PAM16: variants seen among roughly 807,000 people sequenced by gnomAD.
PAM16 encodes mitochondrial import inner membrane translocase subunit TIM16.
In PAM16, 11 loss-of-function variants were observed where a neutral mutation model predicts 17.9. That is an observed-to-expected ratio of 0.62 (90% confidence interval 0.39 to 1.02). PAM16 has a LOEUF of 1.02. Ranked by LOEUF, PAM16 falls within the 50% of genes least tolerant of loss-of-function variation. The pLI is 0.01. For missense variants in PAM16, 199 were observed against 165.4 expected, an observed-to-expected ratio of 1.20 and a Z score of -1.11; for synonymous variants, 72 against 67.4, an observed-to-expected ratio of 1.07 and a Z score of -0.34.
chr16:4,342,039 CA>C (rs1455851096), intron 2 of PAM16, among the ~76,000 whole-genome samples: 3 of 152,230 alleles, frequency 2.0e-5, no homozygotes, highest in Admixed American at 1.3e-4. Context: ...ACACTGGAAC[CA>C]TTCAACTCTG....
At position 4,340,433 on chromosome 16, in the gene PAM16, G is replaced by A. The variant is rs746293710; in HGVS notation, c.292-28C>T. 11 of 1,605,004 alleles carry A rather than the reference G, an allele frequency of 6.9e-6. No individual in the cohort carries two copies. The South Asian group carries it at 1.2e-4, about 18-fold the overall frequency. ...AGTGGGTCACGGATAATCAGGCCGG[G>A]AGGCCAAGCCTCCGCCCCATACCCC... On this transcript the variant is annotated intron_variant, in intron 4 of 4. Transcript: ENST00000318059.
intron 1 of PAM16, 191 bp from the exon 2 acceptor site, chr16:4,343,482 C>A (rs989665933): frequency 2.5e-5 from 36 of 1,431,000 alleles, no homozygotes; most frequent in Non-Finnish European, 3.0e-5. Flanking sequence ...TAGTTACTCA[C>A]TGGACAGGCA....
At chr16:4,349,145 C>T (rs565142826) in intron 1 of PAM16, among the ~76,000 whole-genome samples, 72 of 151,446 alleles carry the variant, frequency 4.8e-4, no homozygotes, top group Middle Eastern at 3.5e-3. Flanking sequence ...TTAGTAGAGA[C>T]GGGGTTTCAC....
At chr16:4,344,193 G>C (rs1596250647) in intron 1 of PAM16, 1 of 381,410 alleles carries the variant, frequency 2.6e-6, no homozygotes, top group East Asian at 3.7e-5. Flanking sequence ...TGAGAGGAGG[G>C]GGTTCTGTGT....
intron 1 of PAM16, chr16:4,348,125 G>C (rs932871379): frequency 4.6e-5 from 7 of 152,234 alleles, no homozygotes; most frequent in African/African-American, 1.4e-4. Flanking sequence ...ATAGATACGG[G>C]CATCACAACT....
chr16:4,341,037 G>A lies in PAM16; in HGVS notation c.226-52C>T, dbSNP rs775854504. 2.5e-6 allele frequency: 4 copies of A among 1,608,398 alleles called. No homozygotes were observed. The South Asian group carries it at 4.4e-5, about 18-fold the overall frequency. On this transcript the variant is annotated intron_variant, in intron 3 of 4. Transcript: ENST00000318059. ...GGGCTGCAGACTGCAGGCAAGAGAT[G>A]TTGGGCAGGCTATGTGGGGCCACGT...
intron 1 of PAM16, among the ~76,000 whole-genome samples, chr16:4,349,009 CA>C (rs1312147848): frequency 3.6e-5 from 5 of 138,636 alleles, no homozygotes; most frequent in Non-Finnish European, 7.6e-5. Flanking sequence ...GGCCGGAGTG[CA>C]GTAGCGCGAC....
At chr16:4,340,430 C>G in intron 4 of PAM16, 25 bp from the exon 5 acceptor site, 1 of 1,605,414 alleles carries the variant, frequency 6.2e-7, no homozygotes, top group Non-Finnish European at 8.5e-7. Flanking sequence ...ATAATCAGGC[C>G]GGGAGGCCAA....
chr16:4,346,032 A>G, intron 1 of PAM16: 2 of 939,754 alleles, frequency 2.1e-6, no homozygotes, highest in Non-Finnish European at 2.5e-6. Context: ...GAACGGTAAG[A>G]GCTGAGGTCA....
At position 4,343,201 on chromosome 16, in the gene PAM16, G is replaced by A. The variant is rs1325697694; in HGVS notation, c.88+6C>T. On this transcript the variant is annotated splice_donor_region_variant and intron_variant, in intron 2 of 4. Coordinates refer to ENST00000318059, the MANE Select transcript of PAM16 (RefSeq NM_016069.11). ...CAGCCCACAGGGGAGACGGACCCAT[G>A]CTTACCTGCAAACTCCTGCCGCAAG... 1 of 1,612,570 alleles carries A rather than the reference G, an allele frequency of 6.2e-7. No homozygotes were observed. Among genetic ancestry groups the A allele is most frequent in the Admixed American group, 1.7e-5 (1 of 60,024 alleles).
intron 2 of PAM16, 110 bp from the exon 3 acceptor site, chr16:4,341,614 G>C: frequency 6.8e-7 from 1 of 1,464,316 alleles, no homozygotes. Flanking sequence ...GAGACACAGG[G>C]ACAGGTGGCT....
intron 1 of PAM16, chr16:4,348,503 C>T (rs1485290636): frequency 6.6e-6 from 1 of 151,022 alleles, no homozygotes; most frequent in Non-Finnish European, 1.5e-5. Context: ...TTCTGTACTC[C>T]TCAGGGCCTT....
intron 2 of PAM16, 114 bp from the exon 3 acceptor site, chr16:4,341,618 G>A: frequency 6.9e-7 from 1 of 1,459,318 alleles, no homozygotes; most frequent in Non-Finnish European, 9.1e-7. Context: ...CACAGGGACA[G>A]GTGGCTAGGA....
chr16:4,343,911 T>G (rs1747925615), intron 1 of PAM16: 1 of 397,756 alleles, frequency 2.5e-6, no homozygotes, highest in Admixed American at 4.4e-5. Flanking sequence ...GCTCGTTCAT[T>G]TGTGCAGCCA....
chr16:4,343,290 G>A lies in PAM16; in HGVS notation c.5C>T (p.Ala2Val), dbSNP rs759272698. The A allele has an allele frequency of 1.2e-6, 2 of 1,609,168 alleles. No individual in the cohort carries two copies. Among genetic ancestry groups the A allele is most frequent in the Admixed American group, 1.7e-5 (1 of 59,632 alleles). The change falls in exon 2 of 5, where the codon GCC becomes GTC. Residue 2 changes from alanine to valine, a missense_variant and splice_region_variant. By Grantham distance (64) the Ala-to-Val change is moderately conservative. Transcript: ENST00000318059. M[A>V]KYLAQIIVMG... ...CACAATGATCTGGGCCAGGTACTTG[G>A]CCTGTGGGCAAAGCAGGCACCCGGT... is the stretch of plus-strand genomic sequence containing the variant.
chr16:4,340,911 AC>A lies in PAM16; in HGVS notation c.291+8del. 6.2e-7 allele frequency: 1 copy of A among 1,612,862 alleles called. No individual in the cohort carries two copies. The highest frequency in any genetic ancestry group is 8.5e-7 in the Non-Finnish European group (1 of 1,179,636). ...GACTTCATTCCTCCCAGAATCAAAG[AC>A]CACTCACCTTTGACTGCAGGTAGAA... On this transcript the variant is annotated splice_region_variant and intron_variant, in intron 4 of 4. Transcript: ENST00000318059.
At chr16:4,349,933 TGA>T (rs1168687011) in intron 1 of PAM16, among the ~76,000 whole-genome samples, 1 of 152,066 alleles carries the variant, frequency 6.6e-6, no homozygotes, top group African/African-American at 2.4e-5. Context: ...AAACACTAAA[TGA>T]GAGACTCTAC....
intron 1 of PAM16, chr16:4,346,010 T>G: frequency 1.0e-6 from 1 of 982,158 alleles, no homozygotes; most frequent in Non-Finnish European, 1.2e-6. Flanking sequence ...CCAATGACTG[T>G]TGCAAAATAA....
chr16:4,346,291 T>C (rs989191122), intron 1 of PAM16, among the ~76,000 whole-genome samples: 2 of 152,222 alleles, frequency 1.3e-5, no homozygotes, highest in African/African-American at 2.4e-5. Context: ...CTATCTGACA[T>C]AGACACGTTC....
Sources: gnomAD v4.1 joint callset for allele counts (sites outside exome capture counted in the v4.1 genomes callset) on GRCh38, gnomAD v4.1.1 for gene constraint, MANE v1.5 for transcripts, NCBI Gene and HGNC (gene_info 2026-07-23, HGNC 2026-07-21) for gene names.